CCSER1: variants seen among roughly 807,000 people sequenced by gnomAD.
The protein encoded by CCSER1 is coiled-coil serine rich protein 1, also known as serine-rich coiled-coil domain-containing protein 1.
Under a neutral mutation model 82.0 loss-of-function variants are expected in CCSER1, and 41 were observed. That is an observed-to-expected ratio of 0.50 (90% CI 0.39 to 0.65). The LOEUF (loss-of-function observed/expected upper bound fraction) is 0.65. Among genes scored for constraint, CCSER1 ranks in the 30% least tolerant of loss-of-function variants. The pLI, the probability that CCSER1 is intolerant of heterozygous loss-of-function variation, is 0.00. For missense variants in CCSER1, 1,119 were observed against 1,064.2 expected (o/e 1.05, Z -0.72); for synonymous variants, 414 against 383.9 (o/e 1.08, Z -0.92).
intron 10 of CCSER1, among the ~76,000 whole-genome samples, chr4:91,407,434 T>C (rs1752767427): frequency 6.6e-6 from 1 of 152,182 alleles, no homozygotes. Context: ...TTCAAGGACT[T>C]ACTGCCACTT....
intron 10 of CCSER1, among the ~76,000 whole-genome samples, chr4:91,363,262 T>C (rs1476737143): frequency 2.6e-5 from 4 of 151,684 alleles, no homozygotes; most frequent in Non-Finnish European, 4.4e-5. Flanking sequence ...AGACCTATAG[T>C]TTACGTCTAG....
At chr4:90,500,182 G>A (rs1052167080) in intron 5 of CCSER1, among the ~76,000 whole-genome samples, 20 of 151,708 alleles carry the variant, frequency 1.3e-4, no homozygotes, top group African/African-American at 4.1e-4. Context: ...TCATGTACTC[G>A]ATTAATTCTC....
intron 10 of CCSER1, among the ~76,000 whole-genome samples, chr4:91,087,659 G>A (rs1034034296): frequency 6.6e-6 from 1 of 151,952 alleles, no homozygotes; most frequent in African/African-American, 2.4e-5. Context: ...TCTCCCTCAG[G>A]GTAGTGGAAT....
chr4:90,591,321 T>C (rs192668573), intron 5 of CCSER1, among the ~76,000 whole-genome samples: 63 of 152,238 alleles, frequency 4.1e-4, no homozygotes, highest in African/African-American at 1.3e-3. Context: ...TAATACTATG[T>C]TGAATAGGGG....
At chr4:90,571,279 C>T (rs948882205) in intron 5 of CCSER1, among the ~76,000 whole-genome samples, 1 of 152,156 alleles carries the variant, frequency 6.6e-6, no homozygotes, top group Non-Finnish European at 1.5e-5. Flanking sequence ...CACCTTCACT[C>T]ATATGTTTAT....
intron 10 of CCSER1, among the ~76,000 whole-genome samples, chr4:91,347,176 C>T (rs908384531): frequency 6.6e-6 from 1 of 152,014 alleles, no homozygotes; most frequent in Non-Finnish European, 1.5e-5. Flanking sequence ...AAAGGTATAA[C>T]GTCTGGGTGT....
intron 10 of CCSER1, among the ~76,000 whole-genome samples, chr4:91,573,923 C>T (rs561916154): frequency 1.2e-4 from 18 of 151,828 alleles, no homozygotes; most frequent in Admixed American, 3.3e-4. Context: ...TGCATCAAAA[C>T]GAATAAAATA....
At chr4:91,547,841 G>T (rs1048781860) in intron 10 of CCSER1, among the ~76,000 whole-genome samples, 1 of 152,070 alleles carries the variant, frequency 6.6e-6, no homozygotes, top group African/African-American at 2.4e-5. Context: ...GAGTGCAGTG[G>T]TGTGATCTCG....
chr4:90,139,677 G>T (rs751329453), intron 1 of CCSER1, among the ~76,000 whole-genome samples: 1 of 152,160 alleles, frequency 6.6e-6, no homozygotes, highest in Non-Finnish European at 1.5e-5. Flanking sequence ...ATGAAGCTCG[G>T]TGCAGTGGCT....
chr4:91,521,711 AC>A (rs1357764562), intron 10 of CCSER1, among the ~76,000 whole-genome samples: 1 of 152,118 alleles, frequency 6.6e-6, no homozygotes, highest in East Asian at 1.9e-4. Flanking sequence ...TTCTTTGCCC[AC>A]TTTTTGATGG....
chr4:90,284,496 T>A (rs75144257), intron 1 of CCSER1, among the ~76,000 whole-genome samples: 2,517 of 36,044 alleles, frequency 0.07, 52 homozygotes, highest in African/African-American at 0.34. Flanking sequence ...TTGAATTGAT[T>A]TTTTTTTTTT....
chr4:91,436,619 T>C (rs1275090834), intron 10 of CCSER1, among the ~76,000 whole-genome samples: 1 of 152,146 alleles, frequency 6.6e-6, no homozygotes, highest in Admixed American at 6.5e-5. Flanking sequence ...AATAATCGTG[T>C]GGGGAGGTAA....
intron 10 of CCSER1, among the ~76,000 whole-genome samples, chr4:91,461,697 G>T (rs1364887078): frequency 1.3e-5 from 2 of 152,162 alleles, no homozygotes; most frequent in African/African-American, 4.8e-5. Flanking sequence ...TTTATGAATA[G>T]AAAAGTAGCT....
At chr4:90,218,071 G>T (rs1260304721) in intron 1 of CCSER1, among the ~76,000 whole-genome samples, 1 of 152,124 alleles carries the variant, frequency 6.6e-6, no homozygotes, top group Non-Finnish European at 1.5e-5. Context: ...AAAGTTCTGG[G>T]ATTACAGGCA....
At chr4:90,888,307 A>G (rs1013303320) in intron 8 of CCSER1, among the ~76,000 whole-genome samples, 5 of 152,182 alleles carry the variant, frequency 3.3e-5, no homozygotes, top group Non-Finnish European at 7.4e-5. Flanking sequence ...TTCCTAATTT[A>G]TCACACTATT....
At chr4:90,616,177 A>T (rs1340246474) in intron 5 of CCSER1, among the ~76,000 whole-genome samples, 1 of 152,216 alleles carries the variant, frequency 6.6e-6, no homozygotes, top group African/African-American at 2.4e-5. Context: ...TATATGTGCT[A>T]GGAAAGCAAA....
In CCSER1 at chr4:90,171,744, C is replaced by T. The variant is rs190234674; in HGVS notation, c.-42+43913C>T. On this transcript the variant is annotated intron_variant, in intron 1 of 10. Transcript: ENST00000509176. ...CAGAGCGGTAAACATTGGAATTGTA[C>T]AGTTAAAAGAGTTCTGCATAAACAT... 2.4e-4 allele frequency among the ~76,000 whole-genome samples: 36 copies of T among 151,892 alleles called. No individual in the cohort carries two copies. The East Asian group carries it at 6.8e-3, about 29-fold the overall frequency.
intron 4 of CCSER1, among the ~76,000 whole-genome samples, chr4:90,457,825 C>G (rs2153581767): frequency 6.6e-6 from 1 of 152,284 alleles, no homozygotes; most frequent in South Asian, 2.1e-4. Flanking sequence ...ACCAGGGACC[C>G]ACCTCTTTCC....
intron 10 of CCSER1, among the ~76,000 whole-genome samples, chr4:91,176,234 G>A (rs556409654): frequency 2.0e-5 from 3 of 152,224 alleles, no homozygotes; most frequent in South Asian, 2.1e-4. Context: ...TAGTCTTGCA[G>A]TACAGTTTGA....
Sources: gnomAD v4.1 joint callset for allele counts (sites outside exome capture counted in the v4.1 genomes callset) on GRCh38, gnomAD v4.1.1 for gene constraint, MANE v1.5 for transcripts, NCBI Gene and HGNC (gene_info 2026-07-23, HGNC 2026-07-21) for gene names.